The following ADAMTSL1 variants were observed in gnomAD, a reference collection of about 807,000 sequenced individuals.
ADAMTSL1 encodes ADAMTS-like protein 1.
Under a neutral mutation model 201.8 loss-of-function variants are expected in ADAMTSL1, and 126 were observed. The observed-to-expected ratio is 0.62, with a 90% CI of 0.54 to 0.72. ADAMTSL1 has a LOEUF of 0.72. Among genes scored for constraint, ADAMTSL1 ranks in the 30% least tolerant of loss-of-function variants. The probability of loss-of-function intolerance (pLI) is 0.00; values close to 1 mark genes in which losing one functional copy is unlikely to be tolerated. For missense variants in ADAMTSL1, 2,679 were observed against 2,277.8 expected (o/e 1.18, Z -3.59); for synonymous variants, 1,121 against 903.4 (o/e 1.24, Z -4.32).
At chr9:18,770,480 T>A in intron 16 of ADAMTSL1, 122 bp from the exon 17 acceptor site, 2 of 1,069,514 alleles carry the variant, frequency 1.9e-6, no homozygotes, top group East Asian at 5.3e-5. Flanking sequence ...ATTCCTGGTT[T>A]TTCTTCTTCT....
intron 2 of ADAMTSL1, among the ~76,000 whole-genome samples, chr9:18,283,916 T>TAAAAAAAAAAAAAAAAAAAAAAAAAAAAA (rs71333034): frequency 2.6e-4 from 7 of 26,598 alleles, no homozygotes; most frequent in African/African-American, 7.8e-4. Context: ...AGACTCCGTC[T>TAAAAAAAAAAAAAAAAAAAAAAAAAAAAA]AAAAAAAAAA....
intron 2 of ADAMTSL1, among the ~76,000 whole-genome samples, chr9:18,252,135 A>C (rs1206202036): frequency 6.6e-6 from 1 of 152,158 alleles, no homozygotes; most frequent in Non-Finnish European, 1.5e-5. Context: ...AGCGGTTAGG[A>C]GAAAAGTTTA....
chr9:18,156,247 C>T (rs1381974139), intron 1 of ADAMTSL1, among the ~76,000 whole-genome samples: 1 of 151,954 alleles, frequency 6.6e-6, no homozygotes, highest in Non-Finnish European at 1.5e-5. Context: ...GTTAAGATAA[C>T]AGACTCCTCT....
intron 1 of ADAMTSL1, among the ~76,000 whole-genome samples, chr9:18,069,263 A>G (rs1473697683): frequency 6.6e-6 from 1 of 152,250 alleles, no homozygotes; most frequent in East Asian, 1.9e-4. Context: ...ATTTCAATAT[A>G]TCGAGTTGAA....
intron 23 of ADAMTSL1, among the ~76,000 whole-genome samples, chr9:18,857,906 A>T (rs1310601036): frequency 6.6e-6 from 1 of 152,280 alleles, no homozygotes; most frequent in South Asian, 2.1e-4. Context: ...TAAGAACTTC[A>T]TTACTTTCTG....
At chr9:18,595,476 TC>T (rs1824202485) in intron 4 of ADAMTSL1, among the ~76,000 whole-genome samples, 1 of 151,918 alleles carries the variant, frequency 6.6e-6, no homozygotes, top group South Asian at 2.1e-4. Context: ...AAAAGTAAGT[TC>T]CTGCACAGGT....
chr9:18,779,874 A>G (rs904723817), intron 19 of ADAMTSL1, among the ~76,000 whole-genome samples: 5 of 152,176 alleles, frequency 3.3e-5, no homozygotes, highest in African/African-American at 1.2e-4. Context: ...TGTAGGTACA[A>G]CGTTTTATTT....
At chr9:18,076,053 G>A (rs1823210404) in intron 1 of ADAMTSL1, among the ~76,000 whole-genome samples, 1 of 152,182 alleles carries the variant, frequency 6.6e-6, no homozygotes, top group Non-Finnish European at 1.5e-5. Flanking sequence ...GAGGATATTA[G>A]TTTTTCTCTT....
intron 1 of ADAMTSL1, among the ~76,000 whole-genome samples, chr9:18,019,936 A>G (rs1820412382): frequency 1.3e-5 from 2 of 152,098 alleles, no homozygotes; most frequent in Admixed American, 6.6e-5. Flanking sequence ...CCCTGGTTAG[A>G]TGTTAGAATC....
intron 1 of ADAMTSL1, among the ~76,000 whole-genome samples, chr9:18,075,825 C>A (rs1334618609): frequency 6.6e-6 from 1 of 152,122 alleles, no homozygotes; most frequent in African/African-American, 2.4e-5. Flanking sequence ...CAGGGAAGTT[C>A]CTGCTGTGGG....
intron 2 of ADAMTSL1, among the ~76,000 whole-genome samples, chr9:18,528,521 T>C (rs1227542819): frequency 6.6e-6 from 1 of 152,172 alleles, no homozygotes; most frequent in Non-Finnish European, 1.5e-5. Flanking sequence ...TCCATGTCCC[T>C]GCAAGGGGCA....
chr9:18,088,073 G>A (rs1215483093), intron 1 of ADAMTSL1, among the ~76,000 whole-genome samples: 1 of 152,056 alleles, frequency 6.6e-6, no homozygotes, highest in Admixed American at 6.6e-5. Flanking sequence ...CAATGGAACA[G>A]AATAGAGAAC....
chr9:18,849,377 A>G (rs1359362470), intron 23 of ADAMTSL1, among the ~76,000 whole-genome samples: 1 of 152,216 alleles, frequency 6.6e-6, no homozygotes, highest in Admixed American at 6.5e-5. Context: ...CCTGGATCCA[A>G]TTATGTGATA....
At chr9:18,429,637 T>C (rs1285307311) in intron 2 of ADAMTSL1, among the ~76,000 whole-genome samples, 1 of 152,154 alleles carries the variant, frequency 6.6e-6, no homozygotes, top group Non-Finnish European at 1.5e-5. Context: ...TTTTATTCAT[T>C]AGGCCTAAAT....
chr9:18,021,879 T>C (rs1820492880), intron 1 of ADAMTSL1, among the ~76,000 whole-genome samples: 1 of 152,102 alleles, frequency 6.6e-6, no homozygotes, highest in South Asian at 2.1e-4. Context: ...CAAACTGTAA[T>C]CAGGAACTGG....
chr9:18,074,080 A>G (rs1407087344), intron 1 of ADAMTSL1, among the ~76,000 whole-genome samples: 1 of 152,030 alleles, frequency 6.6e-6, no homozygotes, highest in Non-Finnish European at 1.5e-5. Flanking sequence ...TTTTTGGAGC[A>G]TCTAAGAACT....
intron 4 of ADAMTSL1, among the ~76,000 whole-genome samples, chr9:18,585,147 T>A (rs1427418020): frequency 5.9e-5 from 9 of 152,200 alleles, no homozygotes; most frequent in Admixed American, 2.0e-4. Context: ...GGGTCTTTTG[T>A]GTATTCAAGT....
intron 1 of ADAMTSL1, among the ~76,000 whole-genome samples, chr9:18,002,821 A>G (rs1035836481): frequency 1.3e-5 from 2 of 152,060 alleles, no homozygotes; most frequent in Admixed American, 6.6e-5. Flanking sequence ...TCAAAGTACA[A>G]GAGAGTTAAA....
chr9:18,516,196 C>T (rs905267563), intron 2 of ADAMTSL1, among the ~76,000 whole-genome samples: 2 of 151,774 alleles, frequency 1.3e-5, no homozygotes, highest in Admixed American at 1.3e-4. Context: ...AAAGAGTTAT[C>T]TGACCCTGTT....
Sources: allele counts gnomAD v4.1 joint callset (sites outside exome capture counted in the v4.1 genomes callset), GRCh38; gene constraint gnomAD v4.1.1; transcripts MANE v1.5; gene names NCBI Gene and HGNC (gene_info 2026-07-23, HGNC 2026-07-21).